The following AMPH variants were observed in gnomAD, a reference collection of about 807,000 sequenced individuals.
The protein encoded by AMPH is amphiphysin.
In AMPH, 49 loss-of-function variants were observed where a neutral mutation model predicts 99.1. The observed-to-expected ratio is 0.49, with a 90% confidence interval of 0.39 to 0.63. The LOEUF is 0.63. AMPH is among the 20% of genes least tolerant of loss of function. AMPH has a pLI of 0.00. For synonymous variants in AMPH, 314 were observed against 317.3 expected, an observed-to-expected ratio of 0.99 and a Z score of 0.11; for missense variants, 759 against 863.4, an observed-to-expected ratio of 0.88 and a Z score of 1.52.
intron 12 of AMPH, among the ~76,000 whole-genome samples, chr7:38,435,104 A>G (rs570963553): frequency 3.3e-5 from 5 of 152,230 alleles, no homozygotes; most frequent in Admixed American, 3.3e-4. Context: ...TCTAGAAGAG[A>G]GTTAATACAG....
intron 1 of AMPH, among the ~76,000 whole-genome samples, chr7:38,626,000 TA>T (rs1794228092): frequency 6.6e-6 from 1 of 152,050 alleles, no homozygotes; most frequent in African/African-American, 2.4e-5. Flanking sequence ...AGAGGAGAAA[TA>T]AAAAAGTTAA....
At chr7:38,563,906 A>G (rs761938908) in intron 1 of AMPH, among the ~76,000 whole-genome samples, 5 of 152,166 alleles carry the variant, frequency 3.3e-5, no homozygotes, top group Non-Finnish European at 7.3e-5. Flanking sequence ...TTATATCCTA[A>G]GAATGTTATC....
intron 1 of AMPH, among the ~76,000 whole-genome samples, chr7:38,599,427 C>T (rs1014714246): frequency 1.2e-4 from 19 of 152,160 alleles, no homozygotes; most frequent in African/African-American, 3.6e-4. Flanking sequence ...CTCTTCCTTA[C>T]GGTTTTCTTA....
chr7:38,530,279 A>T (rs1790346870), intron 2 of AMPH, among the ~76,000 whole-genome samples: 2 of 152,220 alleles, frequency 1.3e-5, no homozygotes, highest in Non-Finnish European at 2.9e-5. Context: ...CATCTGCTAG[A>T]GCATCCAACT....
intron 8 of AMPH, 137 bp downstream of exon 8, chr7:38,466,036 G>C: frequency 1.5e-6 from 1 of 650,948 alleles, no homozygotes; most frequent in Non-Finnish European, 2.6e-6. Flanking sequence ...AAATGTTATC[G>C]AGGGTAATAA....
intron 15 of AMPH, among the ~76,000 whole-genome samples, chr7:38,425,122 A>T (rs1286602751): frequency 6.6e-6 from 1 of 152,198 alleles, no homozygotes; most frequent in Non-Finnish European, 1.5e-5. Flanking sequence ...AAGCTACTGG[A>T]GGTTGTGCTC....
At chr7:38,431,822 C>T (rs1488494788) in intron 13 of AMPH, among the ~76,000 whole-genome samples, 2 of 152,058 alleles carry the variant, frequency 1.3e-5, no homozygotes, top group African/African-American at 2.4e-5. Context: ...TGCCAAGTAG[C>T]CCATCTCTTC....
Position 38,528,438 on chromosome 7 carries a change from C to G in AMPH, c.150+6493G>C, listed in dbSNP as rs533098654. ...ATAATTATTAAACTATTCAAATTGT[C>G]TATTTCACCTTGATTAAGTTTTAGT... On this transcript the variant is annotated intron_variant, in intron 2 of 20. Transcript: ENST00000356264. Among the ~76,000 whole-genome samples, 11 of 152,192 alleles carry G rather than the reference C, an allele frequency of 7.2e-5. No homozygotes were observed. In the South Asian group the frequency reaches 2.3e-3, roughly 32 times the overall value.
At chr7:38,622,534 A>G (rs948026971) in intron 1 of AMPH, among the ~76,000 whole-genome samples, 12 of 152,096 alleles carry the variant, frequency 7.9e-5, no homozygotes, top group African/African-American at 2.9e-4. Flanking sequence ...GTCAACTTAC[A>G]GGAATGGATA....
At chr7:38,397,075 T>C (rs889446146) in intron 17 of AMPH, among the ~76,000 whole-genome samples, 1 of 152,216 alleles carries the variant, frequency 6.6e-6, no homozygotes, top group Non-Finnish European at 1.5e-5. Flanking sequence ...GCAGACGGTA[T>C]GGACAAACAG....
At chr7:38,417,198 C>G (rs957746906) in intron 17 of AMPH, among the ~76,000 whole-genome samples, 1 of 152,138 alleles carries the variant, frequency 6.6e-6, no homozygotes, top group African/African-American at 2.4e-5. Context: ...GCCCAGTTTG[C>G]AATGTGGTGT....
At chr7:38,541,017 TAA>T (rs60200785) in intron 1 of AMPH, among the ~76,000 whole-genome samples, 76,552 of 97,668 alleles carry the variant, frequency 0.78, 30,093 homozygotes, top group East Asian at 0.92. Context: ...TTTCTGTTCT[TAA>T]AAAAAAAAAA....
chr7:38,494,541 G>C lies in AMPH; in HGVS notation c.206-14C>G. The C allele has an allele frequency of 6.2e-7, 1 of 1,608,274 alleles. No individual in the cohort carries two copies. The highest frequency in any genetic ancestry group is 8.5e-7 in the Non-Finnish European group (1 of 1,174,816). ...CCTCCTGCATGCCTAGTGTTGGAGA[G>C]AAACAACTCCCGTTACACAGAAATG... On this transcript the variant is annotated splice_polypyrimidine_tract_variant and intron_variant, in intron 3 of 20. Coordinates refer to ENST00000356264, the MANE Select transcript of AMPH (RefSeq NM_001635.4).
At chr7:38,555,778 T>C (rs1042212518) in intron 1 of AMPH, among the ~76,000 whole-genome samples, 2 of 152,220 alleles carry the variant, frequency 1.3e-5, no homozygotes, top group Middle Eastern at 3.2e-3. Context: ...ATTATGGGTT[T>C]TCCCACTTTT....
At chr7:38,580,540 T>C (rs983354002) in intron 1 of AMPH, among the ~76,000 whole-genome samples, 31 of 152,150 alleles carry the variant, frequency 2.0e-4, no homozygotes, top group African/African-American at 7.0e-4. Flanking sequence ...CCAGGAGTAT[T>C]AGGCATGATG....
Position 38,469,153 on chromosome 7 carries a change from C to CAAA in AMPH, c.591-2908_591-2906dup, listed in dbSNP as rs869172352. Among the ~76,000 whole-genome samples the CAAA allele has an allele frequency of 6.2e-4, 18 of 28,880 alleles. 1 individual carries two copies. The highest frequency in any genetic ancestry group is 1.4e-3 in the African/African-American group (6 of 4,292). The allele number at this position is 28,880 out of a possible 152,430, so 18.9% of individuals were successfully genotyped here. A position where few individuals can be genotyped will look rare whatever the true frequency, so the allele number is the denominator to read the frequency against. On this transcript the variant is annotated intron_variant, in intron 7 of 20. Coordinates refer to ENST00000356264, the MANE Select transcript of AMPH (RefSeq NM_001635.4). ...TGGGCGACAGAGCGAGACTCCGCCT[C>CAAA]AAAAAAAAAAAAAAAAAAAAAAAAA...
At chr7:38,467,862 G>T (rs551169737) in intron 7 of AMPH, among the ~76,000 whole-genome samples, 6 of 152,138 alleles carry the variant, frequency 3.9e-5, no homozygotes, top group African/African-American at 1.4e-4. Context: ...GCAAACATCT[G>T]CTTAAGAGGA....
rs7807982 is a variant in AMPH, at chr7:38,432,020, G to A, written c.1158+169C>T. The A allele has an allele frequency of 5.4e-5, 39 of 718,662 alleles. 1 individual carries two copies. Among genetic ancestry groups the A allele is most frequent in the South Asian group, 1.3e-4 (9 of 67,846 alleles). The allele number at this position is 718,662 out of a possible 1,614,324, so 44.5% of individuals were successfully genotyped here. On this transcript the variant is annotated intron_variant, in intron 13 of 20. Coordinates refer to ENST00000356264, the MANE Select transcript of AMPH (RefSeq NM_001635.4). ...TACTCTTCCTTCACCATCATCTTCC[G>A]GTTCTGATAATGCTCAAGACTTTCA...
chr7:38,606,874 C>T lies in AMPH; in HGVS notation c.69+24409G>A, dbSNP rs1793454681. ...ACAGGTATGAGCCACCGTGCCAGGC[C>T]AATCATCCCTTTTTAAAGCTAAATA... On this transcript the variant is annotated intron_variant, in intron 1 of 20. Transcript: ENST00000356264. 2.6e-5 allele frequency among the ~76,000 whole-genome samples: 4 copies of T among 152,114 alleles called. No homozygotes were observed. In the South Asian group the frequency reaches 8.3e-4, roughly 32 times the overall value.
Sources: gnomAD v4.1 joint callset for allele counts (sites outside exome capture counted in the v4.1 genomes callset) on GRCh38, gnomAD v4.1.1 for gene constraint, MANE v1.5 for transcripts, NCBI Gene and HGNC (gene_info 2026-07-23, HGNC 2026-07-21) for gene names.